HS6ST3: variants seen among roughly 807,000 people sequenced by gnomAD.
HS6ST3 encodes heparan sulfate 6-O-sulfotransferase 3.
In HS6ST3, 12 loss-of-function variants were observed where a neutral mutation model predicts 36.7. That is an observed-to-expected ratio of 0.33 (90% confidence interval 0.21 to 0.53). The LOEUF is 0.53. Ranked by LOEUF, HS6ST3 falls within the 20% of genes least tolerant of loss-of-function variation. HS6ST3 has a pLI of 0.95. For synonymous variants in HS6ST3, 240 were observed against 257.5 expected, an observed-to-expected ratio of 0.93 and a Z score of 0.65; for missense variants, 584 against 640.9, an observed-to-expected ratio of 0.91 and a Z score of 0.96.
At chr13:96,356,550 G>A (rs1398786352) in intron 1 of HS6ST3, among the ~76,000 whole-genome samples, 2 of 152,136 alleles carry the variant, frequency 1.3e-5, no homozygotes, top group African/African-American at 2.4e-5. Context: ...CATTGTCAAT[G>A]AGTAGTAATC....
chr13:96,416,564 G>C (rs2055533807), intron 1 of HS6ST3, among the ~76,000 whole-genome samples: 1 of 152,008 alleles, frequency 6.6e-6, no homozygotes, highest in African/African-American at 2.4e-5. Flanking sequence ...CAAATTTATT[G>C]AACGACTGAA....
chr13:96,137,467 T>A (rs2054008353), intron 1 of HS6ST3, among the ~76,000 whole-genome samples: 1 of 145,394 alleles, frequency 6.9e-6, no homozygotes, highest in African/African-American at 2.6e-5. Flanking sequence ...AGAGTCTCGC[T>A]CTGTCACCCA....
intron 1 of HS6ST3, among the ~76,000 whole-genome samples, chr13:96,374,634 C>A (rs950083404): frequency 2.6e-5 from 4 of 152,082 alleles, no homozygotes; most frequent in African/African-American, 9.7e-5. Context: ...AGATGTTTGC[C>A]ATGGGATAAG....
intron 1 of HS6ST3, among the ~76,000 whole-genome samples, chr13:96,213,558 G>A (rs563090796): frequency 2.1e-5 from 3 of 145,286 alleles, no homozygotes; most frequent in Non-Finnish European, 3.0e-5. Flanking sequence ...ATGGAATCTT[G>A]TTCTCTTGCC....
chr13:96,753,458 A>G (rs1023262375), intron 1 of HS6ST3, among the ~76,000 whole-genome samples: 1 of 152,052 alleles, frequency 6.6e-6, no homozygotes, highest in Non-Finnish European at 1.5e-5. Context: ...TAGATACTGT[A>G]TATTTCTGTT....
chr13:96,722,481 T>C, intron 1 of HS6ST3, among the ~76,000 whole-genome samples: 1 of 152,168 alleles, frequency 6.6e-6, no homozygotes, highest in African/African-American at 2.4e-5. Flanking sequence ...CTCAAGAAAC[T>C]TTCCCCCGGG....
At chr13:96,131,445 G>T (rs988178322) in intron 1 of HS6ST3, among the ~76,000 whole-genome samples, 1 of 152,032 alleles carries the variant, frequency 6.6e-6, no homozygotes. Context: ...TGACACAATT[G>T]TATGTATTTA....
chr13:96,511,089 A>G (rs557430255), intron 1 of HS6ST3, among the ~76,000 whole-genome samples: 2 of 152,244 alleles, frequency 1.3e-5, no homozygotes, highest in African/African-American at 4.8e-5. Flanking sequence ...GTAAGTTGGG[A>G]TTGACTCAGC....
chr13:96,590,205 T>A (rs768749596), intron 1 of HS6ST3, among the ~76,000 whole-genome samples: 1 of 152,142 alleles, frequency 6.6e-6, no homozygotes, highest in Non-Finnish European at 1.5e-5. Flanking sequence ...TTATACCTAG[T>A]AGTGGGAAAG....
At chr13:96,585,304 G>A (rs773232658) in intron 1 of HS6ST3, among the ~76,000 whole-genome samples, 255 of 152,086 alleles carry the variant, frequency 1.7e-3, no homozygotes, top group South Asian at 1.7e-3. Flanking sequence ...TACCTGCTAC[G>A]AAGTTCACAA....
intron 1 of HS6ST3, among the ~76,000 whole-genome samples, chr13:96,559,122 C>T (rs796728295): frequency 6.6e-5 from 7 of 106,386 alleles, no homozygotes; most frequent in African/African-American, 2.5e-4. Context: ...ATCTATCTAT[C>T]TATTTATTTA....
chr13:96,155,589 ATT>A (rs11323357), intron 1 of HS6ST3, among the ~76,000 whole-genome samples: 1 of 151,934 alleles, frequency 6.6e-6, no homozygotes, highest in Non-Finnish European at 1.5e-5. Flanking sequence ...AAGGTTAAGG[ATT>A]TTTTTTTAAA....
At chr13:96,381,727 C>T (rs892146955) in intron 1 of HS6ST3, among the ~76,000 whole-genome samples, 3 of 152,118 alleles carry the variant, frequency 2.0e-5, no homozygotes, top group Non-Finnish European at 4.4e-5. Flanking sequence ...TGGCTAGGAT[C>T]GCCTGCTCTG....
chr13:96,514,361 T>G (rs2138922195), intron 1 of HS6ST3, among the ~76,000 whole-genome samples: 1 of 152,320 alleles, frequency 6.6e-6, no homozygotes. Context: ...AAGGTTTTTC[T>G]CGCTCTGATC....
chr13:96,789,760 AT>A lies in HS6ST3; in HGVS notation c.708-42727del, dbSNP rs1264761054. Among the ~76,000 whole-genome samples, 128 of 141,678 alleles carry A rather than the reference AT, an allele frequency of 9.0e-4. 2 individuals carry two copies. The highest frequency in any genetic ancestry group is 7.0e-3 in the Admixed American group (100 of 14,330). 92.9% of individuals were successfully genotyped at this position (141,678 alleles called of 152,430 possible). On this transcript the variant is annotated intron_variant, in intron 1 of 1. Transcript: ENST00000376705. ...TTGCCTCCTGGCCTCTGTGGTTTAGATTTAAAAAAAAACCCAGCCATTTCAA... is the reference window on the plus strand; with the variant it reads ...TTGCCTCCTGGCCTCTGTGGTTTAGATTAAAAAAAAACCCAGCCATTTCAA...
chr13:96,485,172 T>A (rs1317161855), intron 1 of HS6ST3, among the ~76,000 whole-genome samples: 1 of 152,174 alleles, frequency 6.6e-6, no homozygotes, highest in Non-Finnish European at 1.5e-5. Flanking sequence ...TATATCAAGC[T>A]GGGAAGAACT....
chr13:96,570,165 G>T (rs2056295969), intron 1 of HS6ST3, among the ~76,000 whole-genome samples: 1 of 152,034 alleles, frequency 6.6e-6, no homozygotes, highest in Non-Finnish European at 1.5e-5. Flanking sequence ...GATGTGTCTG[G>T]TTTGGTTTAT....
intron 1 of HS6ST3, among the ~76,000 whole-genome samples, chr13:96,808,159 A>G (rs1473913797): frequency 6.6e-6 from 1 of 152,198 alleles, no homozygotes; most frequent in African/African-American, 2.4e-5. Flanking sequence ...GGTCGGAAAA[A>G]CAGTAGAGAA....
intron 1 of HS6ST3, among the ~76,000 whole-genome samples, chr13:96,712,182 G>A (rs909356184): frequency 2.6e-5 from 4 of 152,174 alleles, no homozygotes; most frequent in African/African-American, 7.2e-5. Context: ...TCAGTGACCT[G>A]TGGATTAGGG....
Sources: allele counts gnomAD v4.1 joint callset (sites outside exome capture counted in the v4.1 genomes callset), GRCh38; gene constraint gnomAD v4.1.1; transcripts MANE v1.5; gene names NCBI Gene and HGNC (gene_info 2026-07-23, HGNC 2026-07-21).